The following COL25A1 variants were observed in gnomAD, a reference collection of about 807,000 sequenced individuals.
The protein encoded by COL25A1 is collagen type XXV alpha 1 chain.
Under a neutral mutation model 128.4 loss-of-function variants are expected in COL25A1, and 103 were observed. The observed-to-expected ratio is 0.80, with a 90% CI of 0.68 to 0.94. The LOEUF (loss-of-function observed/expected upper bound fraction) is 0.94. Among genes scored for constraint, COL25A1 ranks in the 40% least tolerant of loss-of-function variants. COL25A1 has a pLI of 0.00. For synonymous variants in COL25A1, 279 were observed against 277.2 expected (o/e 1.01, Z -0.06); for missense variants, 745 against 840.0 (o/e 0.89, Z 1.40).
rs569864695 is a variant in COL25A1, at chr4:108,915,401, A to C, written c.780+2771T>G. ...TTATAAATAGAGACAGGGTTTCACC[A>C]TGTTGCCCAGGTTGGTCTCAAGCTC... On this transcript the variant is annotated intron_variant, in intron 13 of 37. Transcript: ENST00000399132. Among the ~76,000 whole-genome samples the C allele has an allele frequency of 6.7e-3, 1,025 of 152,164 alleles. 9 individuals carry two copies. The highest frequency in any genetic ancestry group is 0.023 in the African/African-American group (967 of 41,520).
At chr4:108,930,136 T>A (rs1418333242) in intron 11 of COL25A1, among the ~76,000 whole-genome samples, 1 of 152,082 alleles carries the variant, frequency 6.6e-6, no homozygotes. Flanking sequence ...TGTGTGAGGT[T>A]TCCTCAAAGG....
chr4:109,276,802 T>C (rs997840505), intron 3 of COL25A1, among the ~76,000 whole-genome samples: 1 of 151,894 alleles, frequency 6.6e-6, no homozygotes, highest in Non-Finnish European at 1.5e-5. Flanking sequence ...TGGGAAAAAA[T>C]TCTCTTATTT....
chr4:108,994,627 C>T (rs997172880), intron 6 of COL25A1, among the ~76,000 whole-genome samples: 6 of 152,196 alleles, frequency 3.9e-5, no homozygotes, highest in Admixed American at 2.0e-4. Context: ...CTCAGAACGA[C>T]GTTCAAGCTC....
chr4:109,018,770 C>A (rs987581425), intron 5 of COL25A1, among the ~76,000 whole-genome samples: 4 of 152,110 alleles, frequency 2.6e-5, no homozygotes, highest in Non-Finnish European at 5.9e-5. Context: ...AGAGGGTAGA[C>A]AATAATATTT....
At chr4:109,143,712 T>C (rs1282586633) in intron 3 of COL25A1, among the ~76,000 whole-genome samples, 1 of 152,206 alleles carries the variant, frequency 6.6e-6, no homozygotes, top group African/African-American at 2.4e-5. Flanking sequence ...TTGATACTTG[T>C]GTATGCTTCA....
chr4:109,027,035 A>G (rs1368048540), intron 5 of COL25A1, among the ~76,000 whole-genome samples: 1 of 152,260 alleles, frequency 6.6e-6, no homozygotes, highest in Non-Finnish European at 1.5e-5. Flanking sequence ...TTGATTATTT[A>G]TTCATTCACA....
chr4:108,878,736 T>A (rs1326524018), intron 19 of COL25A1, among the ~76,000 whole-genome samples: 1 of 151,688 alleles, frequency 6.6e-6, no homozygotes, highest in East Asian at 1.9e-4. Context: ...CCTTTCTGAC[T>A]TTTTTTTTCT....
intron 3 of COL25A1, among the ~76,000 whole-genome samples, chr4:109,076,758 T>C (rs1290392624): frequency 6.8e-6 from 1 of 147,180 alleles, no homozygotes; most frequent in Non-Finnish European, 1.5e-5. Context: ...CATCTGGGGG[T>C]GATGGGAAAC....
chr4:109,091,553 T>C (rs1010643864), intron 3 of COL25A1, among the ~76,000 whole-genome samples: 16 of 152,174 alleles, frequency 1.1e-4, no homozygotes, highest in African/African-American at 3.9e-4. Flanking sequence ...TATACTTTTA[T>C]ACAAACCCAC....
chr4:108,863,719 A>C (rs1737545049), intron 20 of COL25A1, among the ~76,000 whole-genome samples: 1 of 152,106 alleles, frequency 6.6e-6, no homozygotes, highest in Non-Finnish European at 1.5e-5. Flanking sequence ...TTTCAACGTG[A>C]GGGGGCACCA....
At chr4:109,250,367 G>GAGACACACACACACACACACACACACAC (rs1780562870) in intron 3 of COL25A1, among the ~76,000 whole-genome samples, 1 of 52,518 alleles carries the variant, frequency 1.9e-5, no homozygotes, top group East Asian at 8.8e-4. Flanking sequence ...ACAAGTAGGA[G>GAGACACACACACACACACACACACACAC]ATACACACAC....
intron 5 of COL25A1, among the ~76,000 whole-genome samples, chr4:109,012,209 G>A (rs1756664900): frequency 6.6e-6 from 1 of 152,202 alleles, no homozygotes; most frequent in Non-Finnish European, 1.5e-5. Flanking sequence ...TTGAGGTCTT[G>A]CTATGTTGCC....
chr4:109,035,837 AGTTT>A (rs1449222939), intron 5 of COL25A1, among the ~76,000 whole-genome samples: 1 of 152,080 alleles, frequency 6.6e-6, no homozygotes, highest in Non-Finnish European at 1.5e-5. Context: ...AATTGCCACC[AGTTT>A]GTTTATGCTC....
At chr4:108,928,015 T>C (rs1440099767) in intron 11 of COL25A1, among the ~76,000 whole-genome samples, 1 of 152,186 alleles carries the variant, frequency 6.6e-6, no homozygotes, top group Admixed American at 6.5e-5. Context: ...CCCTTCTAAA[T>C]ATTTAATAAA....
chr4:109,082,462 G>A (rs1240477786), intron 3 of COL25A1, among the ~76,000 whole-genome samples: 2 of 152,128 alleles, frequency 1.3e-5, no homozygotes, highest in African/African-American at 2.4e-5. Flanking sequence ...CATTTGTTAC[G>A]ATCTGGCTTT....
In COL25A1 at chr4:108,810,524, A is replaced by C. The variant is rs1312610905; in HGVS notation, c.*3403T>G. The C allele has an allele frequency of 1.3e-5, 2 of 152,056 alleles. No homozygotes were observed. The highest frequency in any genetic ancestry group is 2.9e-5 in the Non-Finnish European group (2 of 67,884). The allele number at this position is 152,056 out of a possible 1,614,324, so 9.4% of individuals were successfully genotyped here. A position where few individuals can be genotyped will look rare whatever the true frequency, so the allele number is the denominator to read the frequency against. On this transcript the variant is annotated 3_prime_UTR_variant, in exon 38 of 38. Transcript: ENST00000399132. ...AGACTGCTTTTGCTAATGAAAAACA[A>C]AAACTGAAAGAAAAAATTAGGTATA... is the stretch of plus-strand genomic sequence containing the variant.
At chr4:109,054,938 G>A (rs1053714951) in intron 3 of COL25A1, among the ~76,000 whole-genome samples, 2 of 152,158 alleles carry the variant, frequency 1.3e-5, no homozygotes, top group African/African-American at 4.8e-5. Flanking sequence ...TGGGAGGGAG[G>A]AACCTGTCTG....
intron 6 of COL25A1, among the ~76,000 whole-genome samples, chr4:109,005,388 C>T (rs1755865942): frequency 6.6e-6 from 1 of 152,182 alleles, no homozygotes. Context: ...TTACAATTCA[C>T]ATGAGATTGA....
chr4:108,827,263 T>A, intron 32 of COL25A1, 75 bp from the exon 33 acceptor site: 2 of 1,235,806 alleles, frequency 1.6e-6, no homozygotes, highest in Non-Finnish European at 2.4e-6. Flanking sequence ...GCCCTATGTC[T>A]AAAGCCTCTA....
Sources: allele counts gnomAD v4.1 joint callset (sites outside exome capture counted in the v4.1 genomes callset), GRCh38; gene constraint gnomAD v4.1.1; transcripts MANE v1.5; gene names NCBI Gene and HGNC (gene_info 2026-07-23, HGNC 2026-07-21).